PHACTR1: variants seen among roughly 807,000 people sequenced by gnomAD.
The protein encoded by PHACTR1 is RPEL repeat containing 1.
In PHACTR1, 16 loss-of-function variants were observed where a neutral mutation model predicts 69.2. The ratio of observed to expected loss-of-function variants is 0.23; its 90% CI spans 0.16 to 0.35. PHACTR1 has a LOEUF of 0.35. Among genes scored for constraint, PHACTR1 ranks in the 10% least tolerant of loss-of-function variants. The pLI is 1.00. For synonymous variants in PHACTR1, 312 were observed against 284.5 expected (o/e 1.10, Z -0.97); for missense variants, 510 against 734.7 (o/e 0.69, Z 3.54).
chr6:12,989,655 G>C (rs933064710), intron 4 of PHACTR1, among the ~76,000 whole-genome samples: 1 of 152,192 alleles, frequency 6.6e-6, no homozygotes, highest in Non-Finnish European at 1.5e-5. Context: ...GACAAGTTAA[G>C]AGTTTATAAA....
intron 4 of PHACTR1, among the ~76,000 whole-genome samples, chr6:12,762,925 G>A (rs187583653): frequency 2.8e-3 from 425 of 152,224 alleles, no homozygotes; most frequent in Non-Finnish European, 3.3e-3. Context: ...TCATAGAACA[G>A]CAGTCAGGCT....
At chr6:12,805,935 C>T (rs1356772692) in intron 4 of PHACTR1, among the ~76,000 whole-genome samples, 1 of 152,162 alleles carries the variant, frequency 6.6e-6, no homozygotes, top group Non-Finnish European at 1.5e-5. Context: ...ACAGCATTTG[C>T]CAATGTTGAC....
chr6:12,854,021 G>A (rs1260429804), intron 4 of PHACTR1, among the ~76,000 whole-genome samples: 3 of 152,184 alleles, frequency 2.0e-5, no homozygotes, highest in Admixed American at 2.0e-4. Context: ...TTGTCAATAC[G>A]TATAGGTGGA....
chr6:13,023,769 C>A (rs1801311649), intron 4 of PHACTR1, among the ~76,000 whole-genome samples: 1 of 152,106 alleles, frequency 6.6e-6, no homozygotes, highest in Non-Finnish European at 1.5e-5. Flanking sequence ...ATTCTTCTGG[C>A]CATGGAAAGT....
chr6:12,842,446 G>C (rs150271378), intron 4 of PHACTR1, among the ~76,000 whole-genome samples: 341 of 152,330 alleles, frequency 2.2e-3, no homozygotes, highest in African/African-American at 7.8e-3. Flanking sequence ...AATTACTGAT[G>C]AACTGTTGAA....
chr6:13,241,689 T>C (rs1772859688), intron 10 of PHACTR1, among the ~76,000 whole-genome samples: 1 of 152,120 alleles, frequency 6.6e-6, no homozygotes, highest in Non-Finnish European at 1.5e-5. Context: ...TTCCCTCTCC[T>C]GGTGAGTCTG....
chr6:13,191,735 G>A (rs2113782163), intron 7 of PHACTR1, among the ~76,000 whole-genome samples: 1 of 151,984 alleles, frequency 6.6e-6, no homozygotes, highest in Middle Eastern at 3.4e-3. Flanking sequence ...CCCCAGGAGG[G>A]ACAGTCTCCC....
In PHACTR1 at chr6:12,910,506, A is replaced by T. The variant is rs1011226279; in HGVS notation, c.251-142859A>T. Among the ~76,000 whole-genome samples the T allele has an allele frequency of 2.6e-5, 4 of 152,222 alleles. No homozygotes were observed. The South Asian group carries it at 8.3e-4, about 32-fold the overall frequency. ...ATTCTTTTTTTCTCTAGGAAAATGT[A>T]TTGCTAAGAAAAACAAACAGGCTTT... On this transcript the variant is annotated intron_variant, in intron 4 of 14. Coordinates refer to ENST00000332995, the MANE Select transcript of PHACTR1 (RefSeq NM_030948.6).
intron 4 of PHACTR1, among the ~76,000 whole-genome samples, chr6:12,961,535 T>A (rs964974870): frequency 1.3e-5 from 2 of 152,142 alleles, no homozygotes; most frequent in Non-Finnish European, 2.9e-5. Context: ...GTGTCCAAAC[T>A]GAAAGGAAGA....
intron 5 of PHACTR1, among the ~76,000 whole-genome samples, chr6:13,147,223 A>C (rs1417941619): frequency 1.3e-5 from 2 of 152,220 alleles, no homozygotes; most frequent in African/African-American, 4.8e-5. Context: ...TAATTCTCAG[A>C]AAAGACAACT....
chr6:12,997,621 C>T (rs1017790042), intron 4 of PHACTR1, among the ~76,000 whole-genome samples: 5 of 151,896 alleles, frequency 3.3e-5, no homozygotes, highest in Admixed American at 2.6e-4. Flanking sequence ...TTTTTTGTGG[C>T]GAGAATATTC....
intron 5 of PHACTR1, among the ~76,000 whole-genome samples, chr6:13,108,439 G>A (rs924070558): frequency 2.6e-5 from 4 of 151,990 alleles, no homozygotes; most frequent in Admixed American, 6.5e-5. Context: ...CTGTGTCTTT[G>A]TCTACTTTCC....
At chr6:13,215,161 C>A (rs1158567552) in intron 8 of PHACTR1, among the ~76,000 whole-genome samples, 1 of 152,212 alleles carries the variant, frequency 6.6e-6, no homozygotes, top group Non-Finnish European at 1.5e-5. Context: ...TCCACCAATT[C>A]TTTGCTGAGT....
rs142990644 is a variant in PHACTR1, at chr6:13,072,028, A to C, written c.415+18499A>C. ...ATACAATTTATCTGTTGTAGCACAA[A>C]ACTCTATTTCATCTGTGGACAACTG... is the stretch of plus-strand genomic sequence containing the variant. On this transcript the variant is annotated intron_variant, in intron 5 of 14. Coordinates refer to ENST00000332995, the MANE Select transcript of PHACTR1 (RefSeq NM_030948.6). 4.9e-3 allele frequency among the ~76,000 whole-genome samples: 745 copies of C among 152,366 alleles called. 4 individuals carry two copies. The highest frequency in any genetic ancestry group is 0.017 in the Middle Eastern group (5 of 294).
At chr6:13,217,535 A>G (rs917499353) in intron 8 of PHACTR1, among the ~76,000 whole-genome samples, 1 of 152,216 alleles carries the variant, frequency 6.6e-6, no homozygotes. Flanking sequence ...TCCCAATCCC[A>G]GATAATATTT....
intron 4 of PHACTR1, among the ~76,000 whole-genome samples, chr6:12,901,459 G>A (rs896150904): frequency 7.2e-5 from 11 of 152,148 alleles, no homozygotes; most frequent in African/African-American, 2.7e-4. Context: ...GAGGGAGGGA[G>A]AGAGGGCAGA....
intron 3 of PHACTR1, among the ~76,000 whole-genome samples, chr6:12,746,981 G>A (rs1765856794): frequency 6.6e-6 from 1 of 152,182 alleles, no homozygotes; most frequent in Non-Finnish European, 1.5e-5. Flanking sequence ...GAACCCGAAA[G>A]TTGTAATCAA....
intron 5 of PHACTR1, among the ~76,000 whole-genome samples, chr6:13,122,673 AC>A (rs1818915529): frequency 6.6e-6 from 1 of 152,172 alleles, no homozygotes; most frequent in African/African-American, 2.4e-5. Flanking sequence ...TTGTATGTGT[AC>A]TTTTTTATTT....
intron 4 of PHACTR1, 38 bp downstream of exon 4, chr6:12,749,828 CTG>C: frequency 6.6e-7 from 1 of 1,506,468 alleles, no homozygotes; most frequent in Non-Finnish European, 8.9e-7. Context: ...CGCCCCCGCC[CTG>C]CTCCCTCCCT....
Sources: allele counts gnomAD v4.1 joint callset (sites outside exome capture counted in the v4.1 genomes callset), GRCh38; gene constraint gnomAD v4.1.1; transcripts MANE v1.5; gene names NCBI Gene and HGNC (gene_info 2026-07-23, HGNC 2026-07-21).